Variants in EDNRA observed in about 807,000 individuals in gnomAD.
EDNRA encodes the protein endothelin receptor type A, also known as endothelin-1 receptor.
A neutral mutation model predicts 41.4 loss-of-function variants in EDNRA; 11 were observed. The observed-to-expected ratio is 0.27, with a 90% CI of 0.17 to 0.44. The LOEUF (loss-of-function observed/expected upper bound fraction) is 0.44. Among genes scored for constraint, EDNRA ranks in the 20% least tolerant of loss-of-function variants. The pLI is 1.00. For missense variants in EDNRA, 294 were observed against 531.0 expected, an observed-to-expected ratio of 0.55 and a Z score of 4.39; for synonymous variants, 172 against 183.0, an observed-to-expected ratio of 0.94 and a Z score of 0.49.
At chr4:147,508,084 G>A (rs1049890499) in intron 2 of EDNRA, among the ~76,000 whole-genome samples, 15 of 152,066 alleles carry the variant, frequency 9.9e-5, no homozygotes, top group East Asian at 3.9e-4. Flanking sequence ...CCCAGTTAGC[G>A]GATTTGTTTT....
chr4:147,490,574 G>A (rs547144186), intron 2 of EDNRA: 1 of 152,128 alleles, frequency 6.6e-6, no homozygotes, highest in South Asian at 2.1e-4. Flanking sequence ...TCTGTACATA[G>A]GATATTTACA....
intron 2 of EDNRA, among the ~76,000 whole-genome samples, chr4:147,517,112 C>G (rs2126443847): frequency 6.6e-6 from 1 of 152,218 alleles, no homozygotes; most frequent in East Asian, 1.9e-4. Flanking sequence ...GGAAGGGAGA[C>G]TTAACTTTGC....
intron 2 of EDNRA, among the ~76,000 whole-genome samples, chr4:147,510,573 C>A (rs1026789267): frequency 7.2e-5 from 11 of 152,242 alleles, no homozygotes; most frequent in African/African-American, 2.6e-4. Context: ...CTCCACTTAA[C>A]TGATATTTTT....
rs780731799 is a variant in EDNRA at position 147,539,837 on chromosome 4, A to C, written c.921A>C (p.Thr307=). 1.2e-6 allele frequency: 2 copies of C among 1,609,258 alleles called. No homozygotes were observed. Among genetic ancestry groups the C allele is most frequent in the Non-Finnish European group, 1.7e-6 (2 of 1,179,118 alleles). Residue 307 remains threonine, a synonymous_variant, in exon 6 of 8, where the codon ACA becomes ACC. Coordinates refer to ENST00000651419, the MANE Select transcript of EDNRA (RefSeq NM_001957.4). ...TTTAGCGTCGAGAAGTGGCAAAAAC[A>C]GTTTTCTGCTTGGTTGTAATTTTTG... ...HLKQRREVAK[T]VFCLVVIFAL...
intron 2 of EDNRA, among the ~76,000 whole-genome samples, chr4:147,507,104 T>C (rs1417380930): frequency 6.6e-6 from 1 of 151,950 alleles, no homozygotes; most frequent in Non-Finnish European, 1.5e-5. Context: ...GCTGTATCTC[T>C]GAGGAGCTGA....
chr4:147,487,218 A>G, intron 2 of EDNRA, among the ~76,000 whole-genome samples: 1 of 152,182 alleles, frequency 6.6e-6, no homozygotes, highest in Non-Finnish European at 1.5e-5. Context: ...CCTACCTCCA[A>G]CATTGGGGAT....
In EDNRA at chr4:147,485,614, G is replaced by A. The variant is rs1728915694; in HGVS notation, c.-68G>A. ...AATTATTTTTCCTTTTGTTTCAGGTGAAAAAAAAGTGAAGGTGTAAAAGCA... is the reference window on the plus strand; with the variant it reads ...AATTATTTTTCCTTTTGTTTCAGGTAAAAAAAAAGTGAAGGTGTAAAAGCA... On this transcript the variant is annotated splice_region_variant and 5_prime_UTR_variant, in exon 2 of 8. Coordinates refer to ENST00000651419, the MANE Select transcript of EDNRA (RefSeq NM_001957.4). 5.3e-6 allele frequency: 8 copies of A among 1,495,824 alleles called. No individual in the cohort carries two copies. The highest frequency in any genetic ancestry group is 7.2e-6 in the Non-Finnish European group (8 of 1,117,554). 92.7% of individuals were successfully genotyped at this position (1,495,824 alleles called of 1,614,324 possible).
intron 3 of EDNRA, among the ~76,000 whole-genome samples, chr4:147,522,652 C>G (rs1167190194): frequency 6.6e-6 from 1 of 152,164 alleles, no homozygotes; most frequent in Non-Finnish European, 1.5e-5. Context: ...AGCATGGCTA[C>G]TAAGTGCTGG....
rs10305914 is a variant in EDNRA, at chr4:147,536,068, G to A, written c.900+39G>A. 2.2e-3 allele frequency: 3,569 copies of A among 1,611,046 alleles called. 66 individuals carry two copies. In the African/African-American group the frequency reaches 0.043, roughly 19 times the overall value. On this transcript the variant is annotated intron_variant, in intron 5 of 7. Coordinates refer to ENST00000651419, the MANE Select transcript of EDNRA (RefSeq NM_001957.4). ...CATCATGAAAATCTGGCCAGGACTG[G>A]TTAGTCCTTGACAGCAGCAGGCCTG...
intron 3 of EDNRA, among the ~76,000 whole-genome samples, chr4:147,523,349 T>C (rs751731599): frequency 1.3e-5 from 2 of 152,176 alleles, no homozygotes; most frequent in Admixed American, 1.3e-4. Flanking sequence ...TATTTTGGAG[T>C]GAAATACTTC....
intron 2 of EDNRA, among the ~76,000 whole-genome samples, chr4:147,487,456 T>C (rs1728987854): frequency 6.6e-6 from 1 of 152,224 alleles, no homozygotes; most frequent in African/African-American, 2.4e-5. Context: ...AAGAGTATTT[T>C]CCTCAGCCTT....
At chr4:147,483,939 T>C (rs955074286) in intron 1 of EDNRA, among the ~76,000 whole-genome samples, 3 of 152,062 alleles carry the variant, frequency 2.0e-5, no homozygotes, top group African/African-American at 7.2e-5. Flanking sequence ...CAGGCTAGTT[T>C]CAAACTCCTG....
At chr4:147,532,844 G>A in intron 4 of EDNRA, 140 bp downstream of exon 4, 1 of 844,092 alleles carries the variant, frequency 1.2e-6, no homozygotes, top group African/African-American at 1.7e-5. Context: ...ATGAAAAGTA[G>A]ATGTTAAACC....
chr4:147,495,356 C>A (rs965497729), intron 2 of EDNRA: 3 of 152,218 alleles, frequency 2.0e-5, no homozygotes, highest in African/African-American at 4.8e-5. Flanking sequence ...AGAAGAAAAT[C>A]ATTTCCTTTA....
At position 147,523,652 on chromosome 4, in the gene EDNRA, G is replaced by A. The variant is rs1287283403; in HGVS notation, c.548+3674G>A. Among the ~76,000 whole-genome samples, 5 of 151,678 alleles carry A rather than the reference G, an allele frequency of 3.3e-5. No individual in the cohort carries two copies. The South Asian group carries it at 6.2e-4, about 19-fold the overall frequency. ...ACTACAGGTGCCCACCACCACGCCC[G>A]GCTTATTTTTTGTATTTTTAGTAGA... is the stretch of plus-strand genomic sequence containing the variant. On this transcript the variant is annotated intron_variant, in intron 3 of 7. Coordinates refer to ENST00000651419, the MANE Select transcript of EDNRA (RefSeq NM_001957.4).
intron 3 of EDNRA, among the ~76,000 whole-genome samples, chr4:147,528,136 T>C (rs1730615568): frequency 6.6e-6 from 1 of 152,172 alleles, no homozygotes; most frequent in Non-Finnish European, 1.5e-5. Context: ...TTATGCTGAC[T>C]GATTCTTCAC....
chr4:147,536,248 GA>G (rs1227707782), intron 5 of EDNRA, among the ~76,000 whole-genome samples: 5 of 152,110 alleles, frequency 3.3e-5, no homozygotes, highest in Non-Finnish European at 5.9e-5. Context: ...CCCAAATAGA[GA>G]AGAACTATCC....
rs57911108 is a variant in EDNRA, at chr4:147,504,957, C to CAAAAAAA, written c.421-14880_421-14874dup. 1.3e-3 allele frequency among the ~76,000 whole-genome samples: 50 copies of CAAAAAAA among 39,034 alleles called. 12 individuals carry two copies. The highest frequency in any genetic ancestry group is 4.6e-3 in the African/African-American group (39 of 8,452). 25.6% of individuals were successfully genotyped at this position (39,034 alleles called of 152,430 possible). ...TGGGCAACAAAGTGGGACCCTGTCT[C>CAAAAAAA]AAAAAAAAAAAAAAAAAAAAGGATT... On this transcript the variant is annotated intron_variant, in intron 2 of 7. Coordinates refer to ENST00000651419, the MANE Select transcript of EDNRA (RefSeq NM_001957.4).
chr4:147,500,892 T>G (rs1729495826), intron 2 of EDNRA, among the ~76,000 whole-genome samples: 1 of 152,200 alleles, frequency 6.6e-6, no homozygotes, highest in South Asian at 2.1e-4. Context: ...TCAAAATATG[T>G]AGTTCCAACT....
Sources: gnomAD v4.1 joint callset for allele counts (sites outside exome capture counted in the v4.1 genomes callset) on GRCh38, gnomAD v4.1.1 for gene constraint, MANE v1.5 for transcripts, NCBI Gene and HGNC (gene_info 2026-07-23, HGNC 2026-07-21) for gene names.